ESRRG: variants seen among roughly 807,000 people sequenced by gnomAD.
ESRRG encodes the protein estrogen-related receptor gamma.
In ESRRG, 13 loss-of-function variants were observed where a neutral mutation model predicts 44.0. The ratio of observed to expected loss-of-function variants is 0.30; its 90% confidence interval spans 0.19 to 0.47. ESRRG has a LOEUF of 0.47. Ranked by LOEUF, ESRRG falls within the 20% of genes least tolerant of loss-of-function variation. ESRRG has a pLI of 1.00. For synonymous variants in ESRRG, 215 were observed against 214.6 expected, an observed-to-expected ratio of 1.00 and a Z score of -0.02; for missense variants, 395 against 580.6, an observed-to-expected ratio of 0.68 and a Z score of 3.29.
intron 1 of ESRRG, among the ~76,000 whole-genome samples, chr1:217,069,743 T>C (rs988831660): frequency 6.6e-6 from 1 of 152,066 alleles, no homozygotes; most frequent in Non-Finnish European, 1.5e-5. Flanking sequence ...GTCGGCCACA[T>C]CACAGAAGCA....
In ESRRG at chr1:216,575,404, C is replaced by T. The variant is rs187507768; in HGVS notation, c.590-7306G>A. Among the ~76,000 whole-genome samples, 10 of 152,162 alleles carry T rather than the reference C, an allele frequency of 6.6e-5. No individual in the cohort carries two copies. The East Asian group carries it at 1.9e-3, about 29-fold the overall frequency. ...GTCTTTAACTCATCATACCTACCTC[C>T]TCTCCCTACCAAGCAACGTCTTTGT... On this transcript the variant is annotated intron_variant, in intron 3 of 6. Transcript: ENST00000408911.
chr1:216,665,836 G>A (rs1239383810), intron 2 of ESRRG, among the ~76,000 whole-genome samples: 1 of 152,092 alleles, frequency 6.6e-6, no homozygotes, highest in Non-Finnish European at 1.5e-5. Flanking sequence ...GTATAAATCA[G>A]CTCCAATGAC....
chr1:216,829,698 C>T (rs116302738), intron 2 of ESRRG, among the ~76,000 whole-genome samples: 2,186 of 151,952 alleles, frequency 0.014, 56 homozygotes, highest in African/African-American at 0.05. Flanking sequence ...GGATTATGGG[C>T]GCCTGCCACC....
chr1:217,062,383 C>A (rs561562963), intron 1 of ESRRG, among the ~76,000 whole-genome samples: 2 of 152,230 alleles, frequency 1.3e-5, no homozygotes, highest in South Asian at 4.2e-4. Flanking sequence ...AACACCCTAC[C>A]TTTACAACAG....
chr1:216,826,094 G>GT (rs1438809432), intron 2 of ESRRG, among the ~76,000 whole-genome samples: 1 of 151,768 alleles, frequency 6.6e-6, no homozygotes, highest in East Asian at 1.9e-4. Context: ...CTTCAAAGAT[G>GT]TAACGGACAG....
intron 2 of ESRRG, among the ~76,000 whole-genome samples, chr1:216,802,836 A>G (rs2094666321): frequency 6.6e-6 from 1 of 152,192 alleles, no homozygotes; most frequent in Admixed American, 6.6e-5. Flanking sequence ...AGATATTAGT[A>G]TCCCCACTTA....
chr1:216,593,921 A>T (rs1159832206), intron 3 of ESRRG, among the ~76,000 whole-genome samples: 13 of 152,116 alleles, frequency 8.5e-5, no homozygotes, highest in Admixed American at 8.5e-4. Context: ...TTGTAGAGAC[A>T]GGGGTCTCAT....
At chr1:216,963,248 G>A (rs1284012138) in intron 1 of ESRRG, among the ~76,000 whole-genome samples, 2 of 152,256 alleles carry the variant, frequency 1.3e-5, no homozygotes, top group African/African-American at 2.4e-5. Context: ...TGTATATCAC[G>A]CAGTGGGACA....
intron 2 of ESRRG, among the ~76,000 whole-genome samples, chr1:216,796,532 C>T (rs1295120705): frequency 2.0e-5 from 3 of 152,174 alleles, no homozygotes; most frequent in South Asian, 2.1e-4. Context: ...ATGAATGAAA[C>T]CAGCATTTGA....
chr1:216,793,670 T>C lies in ESRRG; in HGVS notation c.-13-116179A>G, dbSNP rs114274831. Among the ~76,000 whole-genome samples, 295 of 152,304 alleles carry C rather than the reference T, an allele frequency of 1.9e-3. 1 individual carries two copies. The highest frequency in any genetic ancestry group is 6.7e-3 in the African/African-American group (280 of 41,578). ...CCTGACTCTCAGAAACTGTATAAGA[T>C]TATAGATATTTGTTGTTTTAAGCTG... is the stretch of plus-strand genomic sequence containing the variant. On this transcript the variant is annotated intron_variant, in intron 2 of 7. Transcript: ENST00000359162.
At chr1:216,701,123 G>A (rs2081309936) in intron 1 of ESRRG, among the ~76,000 whole-genome samples, 1 of 52,742 alleles carries the variant, frequency 1.9e-5, no homozygotes, top group African/African-American at 6.7e-5. Context: ...TTAAGAGCAA[G>A]TTTGCGGAGT....
intron 1 of ESRRG, among the ~76,000 whole-genome samples, chr1:216,991,196 C>T (rs891829297): frequency 6.6e-6 from 1 of 152,114 alleles, no homozygotes; most frequent in African/African-American, 2.4e-5. Flanking sequence ...AACCATCCCC[C>T]ACCCATCCAT....
intron 1 of ESRRG, among the ~76,000 whole-genome samples, chr1:217,133,631 T>TTCTTTCTTTCTCTC (rs1491192210): frequency 3.4e-5 from 2 of 58,448 alleles, no homozygotes; most frequent in Non-Finnish European, 8.7e-5. Flanking sequence ...CTTTCTTTCT[T>TTCTTTCTTTCTCTC]TCTCTCTCTC....
chr1:216,828,327 G>T (rs1043201092), intron 2 of ESRRG, among the ~76,000 whole-genome samples: 3 of 152,126 alleles, frequency 2.0e-5, no homozygotes, highest in Non-Finnish European at 4.4e-5. Context: ...AACCCTGAAA[G>T]TACCTTAATG....
intron 2 of ESRRG, among the ~76,000 whole-genome samples, chr1:216,838,624 G>A (rs1026435858): frequency 2.0e-5 from 3 of 152,026 alleles, no homozygotes; most frequent in Non-Finnish European, 4.4e-5. Context: ...AATTGTTTAA[G>A]GTGAAAATAA....
intron 5 of ESRRG, among the ~76,000 whole-genome samples, chr1:216,562,121 T>A (rs189231362): frequency 2.6e-5 from 4 of 152,176 alleles, no homozygotes; most frequent in Admixed American, 2.0e-4. Flanking sequence ...TGACTTTTAT[T>A]GGTTTTTATT....
intron 2 of ESRRG, among the ~76,000 whole-genome samples, chr1:216,858,905 C>T (rs1485498539): frequency 2.0e-5 from 3 of 152,190 alleles, no homozygotes; most frequent in Non-Finnish European, 4.4e-5. Flanking sequence ...GATATATTGG[C>T]TCTGACCCTA....
At chr1:216,614,428 C>T (rs945689166) in intron 3 of ESRRG, among the ~76,000 whole-genome samples, 1 of 152,110 alleles carries the variant, frequency 6.6e-6, no homozygotes, top group South Asian at 2.1e-4. Context: ...TAAAGGAATA[C>T]AGCCTGTTAG....
intron 2 of ESRRG, among the ~76,000 whole-genome samples, chr1:216,821,700 ATAAATAAATAAAT>A (rs2095296873): frequency 8.1e-6 from 1 of 123,988 alleles, no homozygotes; most frequent in South Asian, 2.4e-4. Context: ...AAATAAATAA[ATAAATAAATAAAT>A]AAATAAATAA....
Sources: allele counts gnomAD v4.1 joint callset (sites outside exome capture counted in the v4.1 genomes callset), GRCh38; gene constraint gnomAD v4.1.1; transcripts MANE v1.5; gene names NCBI Gene and HGNC (gene_info 2026-07-23, HGNC 2026-07-21).